TADA1: variants seen among roughly 807,000 people sequenced by gnomAD.
TADA1 encodes transcriptional adaptor 1, also known as transcriptional adapter 1.
A neutral mutation model predicts 39.3 loss-of-function variants in TADA1; 23 were observed. That is an observed-to-expected ratio of 0.58 (90% confidence interval 0.42 to 0.83). The LOEUF (loss-of-function observed/expected upper bound fraction) is 0.83. TADA1 is among the 40% of genes least tolerant of loss of function. TADA1 has a pLI of 0.00. For missense variants in TADA1, 352 were observed against 408.1 expected (o/e 0.86, Z 1.18); for synonymous variants, 137 against 151.8 (o/e 0.90, Z 0.72).
chr1:166,862,386 G>T lies in TADA1; in HGVS notation c.357C>A (p.Leu119=). ...TTGCCACAAATTGCTGGGCTCCTGA[G>T]AGAGGATTTTGAGGCTGGAATCTAT... is the stretch of plus-strand genomic sequence containing the variant. ...FDHRFQPQNP[L]SGAQQFVAKD... is the part of the protein sequence containing the mutation. The change falls in exon 5 of 8, where the codon CTC becomes CTA. Residue 119 remains leucine, a synonymous_variant. Transcript: ENST00000367874. 1.9e-6 allele frequency: 3 copies of T among 1,614,204 alleles called. No homozygotes were observed. Among genetic ancestry groups the T allele is most frequent in the Non-Finnish European group, 2.5e-6 (3 of 1,180,044 alleles).
chr1:166,871,521 TTTGTTG>T (rs371015574), intron 1 of TADA1, among the ~76,000 whole-genome samples: 5 of 152,082 alleles, frequency 3.3e-5, no homozygotes, highest in Admixed American at 6.6e-5. Context: ...TGGGTTGATG[TTTGTTG>T]TTGTTGTTGT....
At chr1:166,860,364 C>G in intron 5 of TADA1, 27 bp from the exon 6 acceptor site, 1 of 1,568,388 alleles carries the variant, frequency 6.4e-7, no homozygotes, top group Non-Finnish European at 8.6e-7. Flanking sequence ...AGAAAAATAG[C>G]ATGATATCCT....
At chr1:166,862,485 G>T in intron 4 of TADA1, 73 bp from the exon 5 acceptor site, 1 of 1,247,524 alleles carries the variant, frequency 8.0e-7, no homozygotes, top group South Asian at 1.3e-5. Context: ...CTCCTGTACT[G>T]AAGTTGAGAT....
At chr1:166,860,455 T>C (rs2101786930) in intron 5 of TADA1, 118 bp from the exon 6 acceptor site, 1 of 993,228 alleles carries the variant, frequency 1.0e-6, no homozygotes, top group Non-Finnish European at 1.5e-6. Context: ...TAGGTTAGTA[T>C]ATGCTAGAAC....
At position 166,869,507 on chromosome 1, in the gene TADA1, T is replaced by C; in HGVS notation, c.170A>G (p.His57Arg). 2 of 1,613,594 alleles carry C rather than the reference T, an allele frequency of 1.2e-6. No individual in the cohort carries two copies. The highest frequency in any genetic ancestry group is 1.7e-6 in the Non-Finnish European group (2 of 1,179,656). ...AHRLLTQDNVHSHNDFLLAIL... is the reference protein window; with the variant it reads ...AHRLLTQDNVRSHNDFLLAIL... ...GGCCAGGAGGAAATCATTGTGAGAA[T>C]GGACTGAAAAAGGAAAGATAGTGAC... The change falls in exon 3 of 8, where the codon CAT becomes CGT. Residue 57 changes from histidine (H) to arginine (R), a missense_variant. Around this residue, in one of 3 missense-constraint regions of TADA1, gnomAD observed 36 missense variants for 72.0 expected, o/e 0.50. Coordinates refer to ENST00000367874, the MANE Select transcript of TADA1 (RefSeq NM_053053.4).
At chr1:166,863,598 C>G (rs536552181) in intron 4 of TADA1, among the ~76,000 whole-genome samples, 1 of 152,266 alleles carries the variant, frequency 6.6e-6, no homozygotes, top group East Asian at 1.9e-4. Context: ...ACTGAAAAAT[C>G]ATTAGGTACT....
At chr1:166,866,758 T>C (rs1398396812) in intron 3 of TADA1, among the ~76,000 whole-genome samples, 1 of 151,968 alleles carries the variant, frequency 6.6e-6, no homozygotes, top group African/African-American at 2.4e-5. Flanking sequence ...TTATTTTTTT[T>C]TTTTGAGACA....
At chr1:166,863,733 G>T in intron 4 of TADA1, 91 bp downstream of exon 4, 2 of 1,163,008 alleles carry the variant, frequency 1.7e-6, no homozygotes, top group Non-Finnish European at 1.3e-6. Flanking sequence ...TCTACTACCA[G>T]TATTTTAATA....
intron 1 of TADA1, among the ~76,000 whole-genome samples, chr1:166,870,315 C>T (rs1658629596): frequency 6.6e-6 from 1 of 152,200 alleles, no homozygotes; most frequent in Admixed American, 6.5e-5. Context: ...CAGATACATT[C>T]ACAAAGAAAT....
intron 1 of TADA1, among the ~76,000 whole-genome samples, chr1:166,870,120 T>A (rs1658624996): frequency 6.6e-6 from 1 of 152,186 alleles, no homozygotes; most frequent in African/African-American, 2.4e-5. Context: ...AATTTTGCAT[T>A]CCCTGGCTCT....
intron 3 of TADA1, among the ~76,000 whole-genome samples, chr1:166,866,671 G>A (rs990780908): frequency 1.3e-5 from 2 of 151,852 alleles, no homozygotes; most frequent in Non-Finnish European, 2.9e-5. Flanking sequence ...GAATATCAAA[G>A]GTTTTTATCT....
intron 3 of TADA1, among the ~76,000 whole-genome samples, chr1:166,867,585 A>ATT (rs761995627): frequency 1.4e-5 from 2 of 141,938 alleles, no homozygotes; most frequent in Non-Finnish European, 3.1e-5. Context: ...TCTTATGTGA[A>ATT]TTTTTTTTTT....
intron 6 of TADA1, among the ~76,000 whole-genome samples, chr1:166,859,865 G>C (rs576977244): frequency 6.6e-6 from 1 of 151,584 alleles, no homozygotes; most frequent in East Asian, 1.9e-4. Context: ...CTTCCCCACT[G>C]GGCAGGTGAT....
intron 1 of TADA1, among the ~76,000 whole-genome samples, chr1:166,870,927 CCTTT>C (rs1658644594): frequency 6.6e-6 from 1 of 152,148 alleles, no homozygotes; most frequent in Non-Finnish European, 1.5e-5. Flanking sequence ...CTCACTGTCA[CCTTT>C]CTAATAGACC....
In TADA1 at chr1:166,872,754, A is replaced by G. The variant is rs957419978; in HGVS notation, c.75-2900T>C. Among the ~76,000 whole-genome samples, 7 of 152,218 alleles carry G rather than the reference A, an allele frequency of 4.6e-5. No homozygotes were observed. The South Asian group carries it at 1.0e-3, about 23-fold the overall frequency. On this transcript the variant is annotated intron_variant, in intron 1 of 7. Transcript: ENST00000367874. ...AGTGAAGCCACCTGAGGCCCTCACC[A>G]GAAGATGCTGGTGCCATGCTTTTGG...
chr1:166,875,042 G>A (rs79477757), intron 1 of TADA1, among the ~76,000 whole-genome samples: 1 of 152,244 alleles, frequency 6.6e-6, no homozygotes, highest in East Asian at 1.9e-4. Flanking sequence ...TGAAAAGAAA[G>A]TATTGGAGAA....
At position 166,876,054 on chromosome 1, in the gene TADA1, T is replaced by C. The variant is rs1658761775; in HGVS notation, c.74+106A>G. On this transcript the variant is annotated intron_variant, in intron 1 of 7. Transcript: ENST00000367874. Reference sequence around the variant, plus strand: ...AGCCCCGCCGCCGCGGACTCCAGGCTGCACAGGCCCCCGGGCGACGCGGGC... The same window carrying C: ...AGCCCCGCCGCCGCGGACTCCAGGCCGCACAGGCCCCCGGGCGACGCGGGC... 8.7e-6 allele frequency: 10 copies of C among 1,143,562 alleles called. No homozygotes were observed. In the South Asian group the frequency reaches 1.5e-4, roughly 17 times the overall value. The allele number at this position is 1,143,562 out of a possible 1,614,324, so 70.8% of individuals were successfully genotyped here.
chr1:166,862,137 C>T, intron 5 of TADA1, 66 bp downstream of exon 5: 1 of 1,484,000 alleles, frequency 6.7e-7, no homozygotes, highest in Non-Finnish European at 9.4e-7. Context: ...GCAATACCGA[C>T]TTTAAACAAC....
At chr1:166,870,141 T>A (rs1658625547) in intron 1 of TADA1, among the ~76,000 whole-genome samples, 1 of 152,182 alleles carries the variant, frequency 6.6e-6, no homozygotes, top group Admixed American at 6.5e-5. Context: ...ATGGGCTGAA[T>A]TGTGTCCCCC....
Sources: allele counts gnomAD v4.1 joint callset (sites outside exome capture counted in the v4.1 genomes callset), GRCh38; gene constraint gnomAD v4.1.1; regional missense constraint gnomAD v4.1.1; transcripts MANE v1.5; gene names NCBI Gene and HGNC (gene_info 2026-07-23, HGNC 2026-07-21).